Variants in SNRPN observed in about 807,000 individuals in gnomAD.
SNRPN encodes small nuclear ribonucleoprotein polypeptide N.
A neutral mutation model predicts 25.2 loss-of-function variants in SNRPN; 7 were observed. That is an observed-to-expected ratio of 0.28 (90% CI 0.16 to 0.52). The LOEUF (loss-of-function observed/expected upper bound fraction) is 0.52. Ranked by LOEUF, SNRPN falls within the 20% of genes least tolerant of loss-of-function variation. The pLI is 0.96. For missense variants in SNRPN, 196 were observed against 322.5 expected (o/e 0.61, Z 3.00); for synonymous variants, 124 against 110.6 (o/e 1.12, Z -0.76).
At chr15:24,961,530 A>G (rs2074808058) in intron 1 of SNRPN, among the ~76,000 whole-genome samples, 1 of 152,148 alleles carries the variant, frequency 6.6e-6, no homozygotes, top group Admixed American at 6.6e-5. Context: ...GGGGTTCTGC[A>G]GACGTAACAT....
intron 1 of SNRPN, among the ~76,000 whole-genome samples, chr15:24,880,869 G>C (rs1595661879): frequency 6.6e-6 from 1 of 151,964 alleles, no homozygotes; most frequent in Non-Finnish European, 1.5e-5. Flanking sequence ...TCACTACCGG[G>C]TCTTACTACA....
chr15:24,882,132 GTTC>G (rs946505335), intron 1 of SNRPN, among the ~76,000 whole-genome samples: 3 of 151,948 alleles, frequency 2.0e-5, no homozygotes, highest in Non-Finnish European at 4.4e-5. Context: ...GAATTTTTAT[GTTC>G]TTCTGTGTGC....
intron 2 of SNRPN, among the ~76,000 whole-genome samples, chr15:24,889,508 T>C (rs933323146): frequency 3.3e-5 from 5 of 151,326 alleles, no homozygotes; most frequent in South Asian, 2.1e-4. Flanking sequence ...GGTTTCACCG[T>C]GTTAGCCAGG....
At chr15:24,850,492 G>T (rs2052715614) in intron 2 of SNRPN, 1 of 152,166 alleles carries the variant, frequency 6.6e-6, no homozygotes, top group Non-Finnish European at 1.5e-5. Context: ...TGCATTTTTA[G>T]TAGAGACGGG....
At chr15:24,874,008 A>T (rs1239299083) in intron 1 of SNRPN, among the ~76,000 whole-genome samples, 2 of 145,950 alleles carry the variant, frequency 1.4e-5, no homozygotes, top group Non-Finnish European at 3.0e-5. Flanking sequence ...TTAAATATTC[A>T]TCTTCAGAAA....
Position 24,974,683 on chromosome 15 carries a change from C to T in SNRPN, c.3+227C>T, listed in dbSNP as rs527836429. ...TCTCCCAGTCTGGAGTGCAGTGGTG[C>T]GGTCTTGGCTCACTGCAACCCTGGG... On this transcript the variant is annotated intron_variant, in intron 4 of 9. Coordinates refer to ENST00000390687, the MANE Select transcript of SNRPN (RefSeq NM_003097.6). 1.9e-4 allele frequency: 115 copies of T among 616,486 alleles called. 1 individual carries two copies. The highest frequency in any genetic ancestry group is 1.6e-3 in the South Asian group (82 of 50,676). 38.2% of individuals were successfully genotyped at this position (616,486 alleles called of 1,614,324 possible). A position where few individuals can be genotyped will look rare whatever the true frequency, so the allele number is the denominator to read the frequency against.
chr15:24,861,868 A>G (rs2054013312), intron 1 of SNRPN, among the ~76,000 whole-genome samples: 1 of 152,226 alleles, frequency 6.6e-6, no homozygotes, highest in Non-Finnish European at 1.5e-5. Context: ...AAATCAATAG[A>G]TATCTTGAAA....
At chr15:24,920,600 A>AAG (rs2152537407) in intron 3 of SNRPN, 1 of 152,270 alleles carries the variant, frequency 6.6e-6, no homozygotes, top group South Asian at 2.1e-4. Context: ...TAATGTGCCA[A>AAG]ATCTGAGGAG....
chr15:24,896,606 C>T (rs1353971624), intron 2 of SNRPN, among the ~76,000 whole-genome samples: 3 of 151,854 alleles, frequency 2.0e-5, no homozygotes, highest in East Asian at 2.0e-4. Context: ...TCCAGCTACT[C>T]GGGAGACTGA....
chr15:24,900,754 A>G (rs2058392437), intron 2 of SNRPN, among the ~76,000 whole-genome samples: 3 of 152,170 alleles, frequency 2.0e-5, no homozygotes, highest in South Asian at 2.1e-4. Flanking sequence ...AGGACAAAAT[A>G]TAACAGTAGA....
At chr15:24,946,712 C>A (rs961005579) in intron 3 of SNRPN, among the ~76,000 whole-genome samples, 1 of 152,300 alleles carries the variant, frequency 6.6e-6, no homozygotes, top group Admixed American at 6.5e-5. Context: ...TCAGGTGATC[C>A]CTCTGCTCAG....
chr15:24,970,229 G>A (rs901741644), intron 3 of SNRPN, among the ~76,000 whole-genome samples: 42 of 152,086 alleles, frequency 2.8e-4, no homozygotes, highest in African/African-American at 8.2e-4. Context: ...TAAACACTTC[G>A]TACCCGTTTT....
At chr15:24,891,349 G>T (rs550026414) in intron 2 of SNRPN, among the ~76,000 whole-genome samples, 4 of 152,046 alleles carry the variant, frequency 2.6e-5, no homozygotes, top group Non-Finnish European at 5.9e-5. Flanking sequence ...ACTTAGTTAT[G>T]TAAGCATTTA....
rs1351073157 is a variant in SNRPN, at chr15:24,909,579, C to T, written c.-504-10432C>T. ...ACCTTCACACCATATTTTGGCAGTT[C>T]GTGTGCATATGCTGTGCAGACTATC... On this transcript the variant is annotated intron_variant, in intron 2 of 11. Coordinates refer to the SNRPN transcript ENST00000400097. The T allele has an allele frequency of 4.6e-5, 61 of 1,314,098 alleles. 1 individual carries two copies. The South Asian group carries it at 5.4e-4, about 12-fold the overall frequency. 81.4% of individuals were successfully genotyped at this position (1,314,098 alleles called of 1,614,324 possible). A position where few individuals can be genotyped will look rare whatever the true frequency, so the allele number is the denominator to read the frequency against.
At chr15:24,869,682 A>T (rs12594666) in intron 1 of SNRPN, among the ~76,000 whole-genome samples, 33,069 of 152,120 alleles carry the variant, frequency 0.22, 4,012 homozygotes, top group East Asian at 0.36. Context: ...TACTATCAAC[A>T]TGATTCATGC....
rs71127030 is a variant in SNRPN, at chr15:24,958,486, GTTTTTTTTTTTTTTTTTT to G, written c.-391+3441_-391+3458del. 2.9e-3 allele frequency among the ~76,000 whole-genome samples: 190 copies of G among 65,308 alleles called. 1 individual carries two copies. The highest frequency in any genetic ancestry group is 7.7e-3 in the African/African-American group (140 of 18,276). 42.8% of individuals were successfully genotyped at this position (65,308 alleles called of 152,430 possible). ...ATTTCTGGATGCTAGCTGGCTCAAA[GTTTTTTTTTTTTTTTTTT>G]TTTTTTTTTTTTTTTTAAATAGACC... On this transcript the variant is annotated intron_variant, in intron 1 of 9. Transcript: ENST00000390687.
intron 3 of SNRPN, among the ~76,000 whole-genome samples, chr15:24,930,872 T>G (rs1300792171): frequency 6.6e-6 from 1 of 150,758 alleles, no homozygotes; most frequent in African/African-American, 2.4e-5. Context: ...GTACTCCAGC[T>G]TGGGCGACAA....
At chr15:24,930,672 C>T (rs971793982) in intron 3 of SNRPN, among the ~76,000 whole-genome samples, 2 of 151,202 alleles carry the variant, frequency 1.3e-5, no homozygotes, top group South Asian at 2.1e-4. Flanking sequence ...GAGGCCGGGC[C>T]GGGTGGATCC....
chr15:24,905,427 TGAACCCGG>T (rs2058734031), intron 2 of SNRPN, among the ~76,000 whole-genome samples: 1 of 151,076 alleles, frequency 6.6e-6, no homozygotes, highest in African/African-American at 2.4e-5. Flanking sequence ...GAGAGTCGCT[TGAACCCGG>T]GAGGCGGAGG....
Sources: gnomAD v4.1 joint callset for allele counts (sites outside exome capture counted in the v4.1 genomes callset) on GRCh38, gnomAD v4.1.1 for gene constraint, MANE v1.5 for transcripts, NCBI Gene and HGNC (gene_info 2026-07-23, HGNC 2026-07-21) for gene names.